Variants in PRKN observed in about 807,000 individuals in gnomAD.
PRKN encodes parkin RBR E3 ubiquitin protein ligase, also known as E3 ubiquitin-protein ligase parkin.
In PRKN, 56 loss-of-function variants were observed where a neutral mutation model predicts 59.5. The observed-to-expected ratio is 0.94, with a 90% CI of 0.76 to 1.18. PRKN has a LOEUF of 1.18. Ranked by LOEUF, PRKN falls within the 50% of genes most tolerant of loss-of-function variation. PRKN has a pLI of 0.00. For missense variants in PRKN, 657 were observed against 596.4 expected, an observed-to-expected ratio of 1.10 and a Z score of -1.06; for synonymous variants, 250 against 222.1, an observed-to-expected ratio of 1.13 and a Z score of -1.12.
At chr6:161,474,579 C>T (rs1242210537) in intron 9 of PRKN, among the ~76,000 whole-genome samples, 4 of 151,756 alleles carry the variant, frequency 2.6e-5, no homozygotes, top group African/African-American at 9.7e-5. Context: ...CTTGAAATAC[C>T]AACTATGTTC....
chr6:162,388,231 G>A (rs1384332840), intron 2 of PRKN, among the ~76,000 whole-genome samples: 2 of 152,248 alleles, frequency 1.3e-5, no homozygotes, highest in African/African-American at 2.4e-5. Flanking sequence ...GGGCTAGGCC[G>A]AGGAAGGCGC....
At chr6:161,556,390 G>T (rs964353278) in intron 8 of PRKN, among the ~76,000 whole-genome samples, 1 of 152,186 alleles carries the variant, frequency 6.6e-6, no homozygotes, top group Middle Eastern at 3.4e-3. Context: ...CACTGACCTG[G>T]AACAAAGAAT....
chr6:162,178,486 T>C (rs1583158214), intron 4 of PRKN, among the ~76,000 whole-genome samples: 1 of 152,160 alleles, frequency 6.6e-6, no homozygotes, highest in Admixed American at 6.5e-5. Context: ...ATGGCTCCGG[T>C]GCTCCAGACA....
intron 1 of PRKN, among the ~76,000 whole-genome samples, chr6:162,603,995 C>T (rs1446786156): frequency 6.6e-6 from 1 of 152,136 alleles, no homozygotes; most frequent in Non-Finnish European, 1.5e-5. Context: ...AGCAGAGGCT[C>T]ACGAACACTT....
At position 162,726,968 on chromosome 6, in the gene PRKN, G is replaced by C. The variant is rs140665427; in HGVS notation, c.7+694C>G. 7.4e-3 allele frequency among the ~76,000 whole-genome samples: 1,111 copies of C among 151,004 alleles called. 6 individuals are homozygous for C. Among genetic ancestry groups the C allele is most frequent in the Non-Finnish European group, 0.012 (847 of 67,882 alleles). ...AACAACTCTGATGCCACTAAGTTTC[G>C]TTCACAAACTTGCACCTCGGTCGTT... On this transcript the variant is annotated intron_variant, in intron 1 of 11. Coordinates refer to ENST00000366898, the MANE Select transcript of PRKN (RefSeq NM_004562.3).
At chr6:162,679,129 T>G (rs897970773) in intron 1 of PRKN, among the ~76,000 whole-genome samples, 8 of 144,528 alleles carry the variant, frequency 5.5e-5, no homozygotes, top group Non-Finnish European at 1.1e-4. Flanking sequence ...TGAGACAGTT[T>G]CGCCCTGTTG....
rs143408752 is a variant in PRKN, at chr6:162,179,092, C to A, written c.534+22039G>T. 6.9e-3 allele frequency among the ~76,000 whole-genome samples: 1,048 copies of A among 152,190 alleles called. 13 individuals carry two copies. The highest frequency in any genetic ancestry group is 0.024 in the African/African-American group (1,012 of 41,540). On this transcript the variant is annotated intron_variant, in intron 4 of 11. Transcript: ENST00000366898. ...AGACGGAGTCTCACTATTTCCCAGG[C>A]TGGTCTCAAACTTCTGGCTTCAAGC...
chr6:161,464,263 C>T (rs1256548290), intron 9 of PRKN, among the ~76,000 whole-genome samples: 1 of 152,204 alleles, frequency 6.6e-6, no homozygotes, highest in Non-Finnish European at 1.5e-5. Context: ...ATCTGCCTAC[C>T]TCAGCCTCCC....
chr6:161,830,034 CA>C (rs1287449491), intron 6 of PRKN, among the ~76,000 whole-genome samples: 2 of 152,040 alleles, frequency 1.3e-5, no homozygotes, highest in East Asian at 3.9e-4. Context: ...TCCCTACTAC[CA>C]TCTCTCTTAT....
At chr6:161,688,133 C>T (rs1048383744) in intron 7 of PRKN, among the ~76,000 whole-genome samples, 3 of 152,206 alleles carry the variant, frequency 2.0e-5, no homozygotes, top group African/African-American at 7.2e-5. Context: ...ATTTAAGCTG[C>T]ATTGCTTTTC....
At position 161,356,645 on chromosome 6, in the gene PRKN, G is replaced by A. The variant is rs1784767310; in HGVS notation, c.1285+3443C>T. On this transcript the variant is annotated intron_variant, in intron 11 of 11. Transcript: ENST00000366898. This position sits in a 1 kb window ranked among gnomAD's most constrained non-coding sequence, Gnocchi z 7.8. ...CCGTGGTGACCGGGGATTGAATGCA[G>A]GGTGAGGAAGAGCATGGAATGAAGG... Among the ~76,000 whole-genome samples, 1 of 152,176 alleles carries A rather than the reference G, an allele frequency of 6.6e-6. No individual in the cohort carries two copies. The highest frequency in any genetic ancestry group is 6.5e-5 in the Admixed American group (1 of 15,280).
intron 1 of PRKN, among the ~76,000 whole-genome samples, chr6:162,617,476 CCTG>C (rs1782476384): frequency 6.6e-6 from 1 of 152,148 alleles, no homozygotes; most frequent in Non-Finnish European, 1.5e-5. Context: ...AAGTGATCTG[CCTG>C]CTTTGGCCTC....
chr6:161,967,502 A>C (rs1780627524), intron 6 of PRKN, among the ~76,000 whole-genome samples: 1 of 152,238 alleles, frequency 6.6e-6, no homozygotes, highest in Non-Finnish European at 1.5e-5. Context: ...TATTCTCTTA[A>C]GGTCAAAAAG....
chr6:162,252,556 T>C (rs959902268), intron 3 of PRKN, among the ~76,000 whole-genome samples: 1 of 152,208 alleles, frequency 6.6e-6, no homozygotes, highest in African/African-American at 2.4e-5. Context: ...GATTAGGTCA[T>C]GAGTATGGAG....
chr6:161,769,068 A>C (rs1372985246), intron 7 of PRKN, among the ~76,000 whole-genome samples: 1 of 152,244 alleles, frequency 6.6e-6, no homozygotes, highest in Non-Finnish European at 1.5e-5. Context: ...GGAACGTTTT[A>C]CATTTCTTAT....
rs1554267941 is a variant in PRKN, at chr6:161,499,132, A to ACATT, written c.1083+49721_1083+49722insAATG. Among the ~76,000 whole-genome samples the ACATT allele has an allele frequency of 0.014, 1,930 of 136,520 alleles. 34 individuals carry two copies. The highest frequency in any genetic ancestry group is 0.033 in the African/African-American group (1,217 of 36,844). The allele number at this position is 136,520 out of a possible 152,430, so 89.6% of individuals were successfully genotyped here. A position where few individuals can be genotyped will look rare whatever the true frequency, so the allele number is the denominator to read the frequency against. ...AGGGTCTGGACACACACACACACAC[A>ACATT]TTTTTTTTTTTTTTTTGGCTCACAG... On this transcript the variant is annotated intron_variant, in intron 9 of 11. Transcript: ENST00000366898. The surrounding 1 kb of genome is among the most constrained non-coding windows in gnomAD (Gnocchi z 4.2).
intron 6 of PRKN, among the ~76,000 whole-genome samples, chr6:161,892,153 G>T (rs761836595): frequency 3.9e-5 from 6 of 152,102 alleles, no homozygotes; most frequent in Non-Finnish European, 8.8e-5. Context: ...AAAATAATGG[G>T]CTGGGTACAG....
chr6:162,541,263 C>T lies in PRKN; in HGVS notation c.8-97790G>A, dbSNP rs114053179. On this transcript the variant is annotated intron_variant, in intron 1 of 11. Coordinates refer to ENST00000366898, the MANE Select transcript of PRKN (RefSeq NM_004562.3). ...TTAGGATGGTGATGAGTGCGTGGTG[C>T]ATCATTTCATATAGGGTGATCAGGA... 9.2e-3 allele frequency among the ~76,000 whole-genome samples: 1,405 copies of T among 152,238 alleles called. 19 individuals are homozygous for T. Among genetic ancestry groups the T allele is most frequent in the African/African-American group, 0.032 (1,324 of 41,542 alleles).
intron 1 of PRKN, among the ~76,000 whole-genome samples, chr6:162,475,512 G>A (rs549632139): frequency 6.6e-6 from 1 of 152,186 alleles, no homozygotes; most frequent in African/African-American, 2.4e-5. Context: ...AGATAGAGAC[G>A]TAAGAACCGC....
Sources: allele counts gnomAD v4.1 joint callset (sites outside exome capture counted in the v4.1 genomes callset), GRCh38; gene constraint gnomAD v4.1.1; non-coding constraint Gnocchi (gnomAD v3.1); transcripts MANE v1.5; gene names NCBI Gene and HGNC (gene_info 2026-07-23, HGNC 2026-07-21).